LUZP2: variants seen among roughly 807,000 people sequenced by gnomAD.
LUZP2 encodes the protein leucine zipper protein 2.
Under a neutral mutation model 51.6 loss-of-function variants are expected in LUZP2, and 52 were observed. The ratio of observed to expected loss-of-function variants is 1.01; its 90% confidence interval spans 0.81 to 1.27. LUZP2 has a LOEUF of 1.27. LUZP2 is among the 50% of genes most tolerant of loss of function. The pLI, the probability that LUZP2 is intolerant of heterozygous loss-of-function variation, is 0.00. For missense variants in LUZP2, 436 were observed against 395.4 expected (o/e 1.10, Z -0.87); for synonymous variants, 154 against 137.3 (o/e 1.12, Z -0.85).
At chr11:24,734,321 A>C (rs1360666369) in intron 3 of LUZP2, among the ~76,000 whole-genome samples, 1 of 151,530 alleles carries the variant, frequency 6.6e-6, no homozygotes, top group Middle Eastern at 3.2e-3. Flanking sequence ...ATATTTTTTT[A>C]AAATATCTAT....
At chr11:24,700,252 C>A (rs972717057) in intron 1 of LUZP2, among the ~76,000 whole-genome samples, 1 of 151,894 alleles carries the variant, frequency 6.6e-6, no homozygotes, top group South Asian at 2.1e-4. Flanking sequence ...TTAGTAGAGA[C>A]AGGGTTTCAC....
intron 1 of LUZP2, among the ~76,000 whole-genome samples, chr11:24,622,134 T>G (rs1854517112): frequency 6.6e-6 from 1 of 151,690 alleles, no homozygotes; most frequent in South Asian, 2.1e-4. Flanking sequence ...TTTTTTAATG[T>G]TATTATTATT....
intron 3 of LUZP2, among the ~76,000 whole-genome samples, chr11:24,735,003 C>T (rs190897623): frequency 1.4e-4 from 21 of 151,862 alleles, no homozygotes; most frequent in Admixed American, 1.3e-3. Context: ...TCAGAGGTGG[C>T]CACCGAAACA....
chr11:24,941,744 A>C (rs1044730231), intron 7 of LUZP2, among the ~76,000 whole-genome samples: 10 of 152,172 alleles, frequency 6.6e-5, no homozygotes, highest in Non-Finnish European at 1.3e-4. Context: ...TGTATTTAAA[A>C]ATTTAATGTA....
chr11:24,747,241 C>T (rs1445327250), intron 4 of LUZP2, among the ~76,000 whole-genome samples: 3 of 152,088 alleles, frequency 2.0e-5, no homozygotes, highest in African/African-American at 7.2e-5. Context: ...TGGGGTATTC[C>T]CTTGATGTGG....
At chr11:24,591,917 TTTAA>T (rs1853274875) in intron 1 of LUZP2, among the ~76,000 whole-genome samples, 1 of 152,184 alleles carries the variant, frequency 6.6e-6, no homozygotes, top group Admixed American at 6.6e-5. Flanking sequence ...TATATTGTCC[TTTAA>T]TTAAAAACAA....
At chr11:25,071,126 G>GA (rs968321331) in intron 10 of LUZP2, among the ~76,000 whole-genome samples, 4 of 26,520 alleles carry the variant, frequency 1.5e-4, no homozygotes, top group South Asian at 2.9e-3. Flanking sequence ...ACTGAGGTAT[G>GA]ATAATGTGTT....
At chr11:24,680,307 C>G (rs1856692159) in intron 1 of LUZP2, among the ~76,000 whole-genome samples, 1 of 152,148 alleles carries the variant, frequency 6.6e-6, no homozygotes, top group Non-Finnish European at 1.5e-5. Flanking sequence ...TGTAGCAGCA[C>G]TAGACTTGCT....
chr11:25,020,955 A>G (rs1439045385), intron 9 of LUZP2, among the ~76,000 whole-genome samples: 2 of 152,196 alleles, frequency 1.3e-5, no homozygotes, highest in Non-Finnish European at 2.9e-5. Context: ...GCAGAACAGA[A>G]AGATGAAAAG....
At chr11:24,904,162 C>T (rs928695499) in intron 5 of LUZP2, among the ~76,000 whole-genome samples, 1 of 152,126 alleles carries the variant, frequency 6.6e-6, no homozygotes, top group East Asian at 1.9e-4. Context: ...TTGATAATAA[C>T]CATCCTAATC....
intron 5 of LUZP2, among the ~76,000 whole-genome samples, chr11:24,904,944 A>C (rs1853400880): frequency 6.6e-6 from 1 of 152,208 alleles, no homozygotes; most frequent in Non-Finnish European, 1.5e-5. Flanking sequence ...AATGGAAACC[A>C]AAACAGATTA....
chr11:24,970,643 G>A (rs747595066), intron 7 of LUZP2, among the ~76,000 whole-genome samples: 8 of 152,082 alleles, frequency 5.3e-5, no homozygotes, highest in African/African-American at 9.7e-5. Context: ...TAATAATCTA[G>A]CCTCACATCC....
chr11:25,044,548 T>G (rs1180435233), intron 9 of LUZP2, among the ~76,000 whole-genome samples: 1 of 152,046 alleles, frequency 6.6e-6, no homozygotes, highest in Non-Finnish European at 1.5e-5. Context: ...ACTTTTATAC[T>G]TTTGTGCTCA....
Position 24,724,167 on chromosome 11 carries a change from T to C in LUZP2, c.63-5002T>C, listed in dbSNP as rs185076385. ...TGGGATTTTTGTTTTTCTACATGAATGCTGTATCTTAATACAGTTTATATT... is the reference window on the plus strand; with the variant it reads ...TGGGATTTTTGTTTTTCTACATGAACGCTGTATCTTAATACAGTTTATATT... On this transcript the variant is annotated intron_variant, in intron 1 of 11. Transcript: ENST00000336930. 3.8e-3 allele frequency among the ~76,000 whole-genome samples: 574 copies of C among 152,264 alleles called. 3 individuals carry two copies. Among genetic ancestry groups the C allele is most frequent in the African/African-American group, 0.013 (543 of 41,548 alleles).
chr11:24,986,157 G>A (rs139195251), intron 9 of LUZP2, among the ~76,000 whole-genome samples: 54 of 151,756 alleles, frequency 3.6e-4, no homozygotes, highest in African/African-American at 1.3e-3. Flanking sequence ...TACTCCAGTG[G>A]TCTGTTGGAG....
chr11:24,624,808 C>A (rs539111678), intron 1 of LUZP2, among the ~76,000 whole-genome samples: 13 of 151,918 alleles, frequency 8.6e-5, no homozygotes, highest in African/African-American at 1.2e-4. Context: ...TCGTACCTAG[C>A]TTTTCAAAAA....
intron 5 of LUZP2, among the ~76,000 whole-genome samples, chr11:24,774,893 C>G (rs1177244346): frequency 4.0e-5 from 6 of 148,308 alleles, no homozygotes; most frequent in African/African-American, 1.5e-4. Flanking sequence ...AGTTCTGTCC[C>G]TCTAGAGAAT....
At chr11:24,892,271 T>C in intron 5 of LUZP2, 6 of 985,442 alleles carry the variant, frequency 6.1e-6, no homozygotes, top group Non-Finnish European at 7.2e-6. Context: ...AACTGGACCA[T>C]CTGCTATAGG....
At chr11:24,735,195 C>T (rs550685133) in intron 3 of LUZP2, among the ~76,000 whole-genome samples, 87 of 151,830 alleles carry the variant, frequency 5.7e-4, no homozygotes, top group Non-Finnish European at 8.0e-4. Context: ...AGTGTGTTTG[C>T]ATGTATGCAC....
Sources: gnomAD v4.1 joint callset for allele counts (sites outside exome capture counted in the v4.1 genomes callset) on GRCh38, gnomAD v4.1.1 for gene constraint, MANE v1.5 for transcripts, NCBI Gene and HGNC (gene_info 2026-07-23, HGNC 2026-07-21) for gene names.